Variants in PDE1C observed in about 807,000 individuals in gnomAD.
PDE1C encodes phosphodiesterase 1C, also known as dual specificity calcium/calmodulin-dependent 3',5'-cyclic nucleotide phosphodiesterase 1C.
Under a neutral mutation model 93.1 loss-of-function variants are expected in PDE1C, and 62 were observed. The ratio of observed to expected loss-of-function variants is 0.67; its 90% confidence interval spans 0.54 to 0.82. The LOEUF is 0.82. Among genes scored for constraint, PDE1C ranks in the 40% least tolerant of loss-of-function variants. The pLI, the probability that PDE1C is intolerant of heterozygous loss-of-function variation, is 0.00. For missense variants in PDE1C, 742 were observed against 884.6 expected (o/e 0.84, Z 2.04); for synonymous variants, 325 against 310.1 (o/e 1.05, Z -0.50).
the PDE1C span, among the ~76,000 whole-genome samples, chr7:31,716,775 A>G: frequency 6.6e-6 from 1 of 152,232 alleles, no homozygotes; most frequent in Admixed American, 6.5e-5. Context: ...AAAGAAACAA[A>G]AAGTGATAAT....
intron 3 of PDE1C, among the ~76,000 whole-genome samples, chr7:32,126,295 C>T (rs753785108): frequency 1.3e-5 from 2 of 151,936 alleles, no homozygotes; most frequent in African/African-American, 2.4e-5. Context: ...GTGATTATCT[C>T]CTTTATATAA....
chr7:32,424,685 G>C (rs1459413151), intron 1 of PDE1C, among the ~76,000 whole-genome samples: 1 of 152,116 alleles, frequency 6.6e-6, no homozygotes, highest in Admixed American at 6.6e-5. Flanking sequence ...GTTGGTGCAT[G>C]CCTGTAGTTC....
At chr7:31,820,754 A>G (rs901692504) in intron 14 of PDE1C, 2 of 152,156 alleles carry the variant, frequency 1.3e-5, no homozygotes, top group African/African-American at 2.4e-5. Flanking sequence ...TGAGCTGCTA[A>G]GAATGTTATA....
chr7:31,719,173 T>C, the PDE1C span, among the ~76,000 whole-genome samples: 1 of 152,240 alleles, frequency 6.6e-6, no homozygotes, highest in African/African-American at 2.4e-5. Context: ...AGAAATGTTT[T>C]GACAAGAATG....
chr7:32,081,686 T>C (rs1231668369), intron 3 of PDE1C, among the ~76,000 whole-genome samples: 1 of 152,176 alleles, frequency 6.6e-6, no homozygotes, highest in Non-Finnish European at 1.5e-5. Flanking sequence ...TGAGGTGGAA[T>C]TAGTTGGTTA....
intron 1 of PDE1C, among the ~76,000 whole-genome samples, chr7:32,210,949 G>T (rs1805978206): frequency 6.6e-6 from 1 of 152,160 alleles, no homozygotes. Context: ...GGCGCGGGTG[G>T]CTCACGCCTG....
chr7:31,823,179 G>C lies in PDE1C; in HGVS notation c.1476C>G (p.Ala492=). The C allele has an allele frequency of 6.2e-7, 1 of 1,613,228 alleles. No homozygotes were observed. Among genetic ancestry groups the C allele is most frequent in the Non-Finnish European group, 8.5e-7 (1 of 1,179,504 alleles). Residue 492 remains alanine, a synonymous_variant, in exon 14 of 18, where the codon GCC becomes GCG. Transcript: ENST00000396191. ...GVKTSGSEGS[A]PINNSVISVD... Reference sequence around the variant, plus strand: ...CGGAGATGACAGAATTGTTGATCGGGGCACTTCCCTCTGAACCAGAGGTCT... The same window carrying C: ...CGGAGATGACAGAATTGTTGATCGGCGCACTTCCCTCTGAACCAGAGGTCT...
chr7:31,864,971 G>T lies in PDE1C; in HGVS notation c.721C>A (p.His241Asn). Residue 241 changes from histidine to asparagine, a missense_variant, in exon 7 of 18, where the codon CAT becomes AAT. By Grantham distance (68) the His-to-Asn change is moderately conservative. This residue lies in a region of PDE1C where 205 missense variants were observed against 295.3 expected (regional missense o/e 0.69). Transcript: ENST00000396191. ...MHAADVTQTV[H>N]YLLYKTGVAN... ...ACTCCTGTCTTATAGAGGAGGTAAT[G>T]CACTGTCTGTGTAACATCGGCAGCG... is the stretch of plus-strand genomic sequence containing the variant. The T allele has an allele frequency of 6.2e-7, 1 of 1,614,046 alleles. No individual in the cohort carries two copies.
intron 2 of PDE1C, among the ~76,000 whole-genome samples, chr7:31,990,715 A>G (rs1472765630): frequency 2.0e-5 from 3 of 152,234 alleles, no homozygotes; most frequent in African/African-American, 7.2e-5. Flanking sequence ...ATTCTGCTCT[A>G]TGTAAAGAGA....
chr7:31,823,119 T>A lies in PDE1C; in HGVS notation c.1536A>T (p.Glu512Asp). The change falls in exon 14 of 18, where the codon GAA becomes GAT. Residue 512 changes from glutamate to aspartate, a missense_variant. Physicochemically the swap from Glu to Asp is conservative, Grantham distance 45 (BLOSUM62 2). This residue lies in a region of PDE1C where 454 missense variants were observed against 459.4 expected (regional missense o/e 0.99). Transcript: ENST00000396191. ...DYKSFKATWT[E>D]VVHINRERWR... The stretch of plus-strand genomic sequence containing the variant: ...ATCTCTCCCGATTGATGTGCACCAC[T>A]TCCGTCCAAGTAGCTTTAAAGCTCT... 1.2e-6 allele frequency: 2 copies of A among 1,613,318 alleles called. No individual in the cohort carries two copies. Among genetic ancestry groups the A allele is most frequent in the Non-Finnish European group, 1.7e-6 (2 of 1,179,498 alleles).
At chr7:32,185,751 A>T (rs1210970487) in intron 2 of PDE1C, among the ~76,000 whole-genome samples, 1 of 152,180 alleles carries the variant, frequency 6.6e-6, no homozygotes, top group Non-Finnish European at 1.5e-5. Context: ...CATTAGTCAC[A>T]TGCGGCAATT....
intron 3 of PDE1C, among the ~76,000 whole-genome samples, chr7:31,879,528 A>T (rs888723979): frequency 6.6e-6 from 1 of 152,186 alleles, no homozygotes; most frequent in African/African-American, 2.4e-5. Flanking sequence ...TAGATGGACC[A>T]TGTGACGTTA....
chr7:31,848,544 C>T (rs887981545), intron 8 of PDE1C, among the ~76,000 whole-genome samples: 2 of 151,914 alleles, frequency 1.3e-5, no homozygotes, highest in Non-Finnish European at 2.9e-5. Flanking sequence ...TGTAAGCTGC[C>T]TCTGATAGTG....
the PDE1C span, chr7:31,707,405 C>T: frequency 5.2e-6 from 4 of 771,432 alleles, no homozygotes; most frequent in East Asian, 8.3e-5. Flanking sequence ...ATTCAGACAC[C>T]TTCTCCCCAG....
chr7:31,643,301 C>G, the PDE1C span: 1 of 1,613,700 alleles, frequency 6.2e-7, no homozygotes, highest in Non-Finnish European at 8.5e-7. Context: ...CAGTGTATCC[C>G]CAAGCACAGT....
chr7:31,803,437 G>T (rs1313499501), intron 16 of PDE1C, among the ~76,000 whole-genome samples: 3 of 151,290 alleles, frequency 2.0e-5, no homozygotes, highest in African/African-American at 7.3e-5. Context: ...AAGTTTTAGG[G>T]TACATGTGCA....
At chr7:31,899,427 C>A (rs1247558875) in intron 2 of PDE1C, among the ~76,000 whole-genome samples, 4 of 152,126 alleles carry the variant, frequency 2.6e-5, no homozygotes, top group Admixed American at 1.3e-4. Context: ...CGTAAGTAAG[C>A]CACTGCGCCC....
intron 2 of PDE1C, among the ~76,000 whole-genome samples, chr7:32,007,652 G>C (rs1563183318): frequency 6.6e-6 from 1 of 152,130 alleles, no homozygotes; most frequent in Non-Finnish European, 1.5e-5. Flanking sequence ...CACTACCACT[G>C]TCACTAGTCC....
At chr7:32,235,614 G>A (rs1808020843) in intron 1 of PDE1C, among the ~76,000 whole-genome samples, 1 of 151,998 alleles carries the variant, frequency 6.6e-6, no homozygotes, top group Admixed American at 6.6e-5. Flanking sequence ...CAGGATTTGA[G>A]TGCTGAGAAC....
Sources: allele counts gnomAD v4.1 joint callset (sites outside exome capture counted in the v4.1 genomes callset), GRCh38; gene constraint gnomAD v4.1.1; regional missense constraint gnomAD v4.1.1; transcripts MANE v1.5; gene names NCBI Gene and HGNC (gene_info 2026-07-23, HGNC 2026-07-21).